Variants in UNC13A observed in about 807,000 individuals in gnomAD.
The protein encoded by UNC13A is protein unc-13 homolog A.
In UNC13A, 61 loss-of-function variants were observed where a neutral mutation model predicts 219.7. The ratio of observed to expected loss-of-function variants is 0.28; its 90% CI spans 0.23 to 0.34. The LOEUF (loss-of-function observed/expected upper bound fraction) is 0.34. Among genes scored for constraint, UNC13A ranks in the 10% least tolerant of loss-of-function variants. The pLI, the probability that UNC13A is intolerant of heterozygous loss-of-function variation, is 1.00. For missense variants in UNC13A, 1,476 were observed against 2,270.3 expected (o/e 0.65, Z 7.11); for synonymous variants, 920 against 884.6 (o/e 1.04, Z -0.71).
chr19:17,606,617 GT>G (rs1332868629), intron 43 of UNC13A, among the ~76,000 whole-genome samples: 1 of 152,220 alleles, frequency 6.6e-6, no homozygotes, highest in East Asian at 1.9e-4. Context: ...TGACCGCATA[GT>G]TTTACATCCA....
intron 26 of UNC13A, among the ~76,000 whole-genome samples, chr19:17,635,553 G>T (rs1185889558): frequency 6.6e-6 from 1 of 152,048 alleles, no homozygotes; most frequent in Admixed American, 6.6e-5. Context: ...GTACAATATT[G>T]TACGTTGAAT....
chr19:17,632,801 G>A lies in UNC13A; in HGVS notation c.3409C>T (p.Arg1137Cys), dbSNP rs778740565. 7.4e-5 allele frequency: 119 copies of A among 1,613,748 alleles called. No homozygotes were observed. The highest frequency in any genetic ancestry group is 1.8e-4 in the East Asian group (8 of 44,888). The change falls in exon 28 of 44, where the codon CGC becomes TGC. Residue 1137 changes from arginine to cysteine, a missense_variant. Physicochemically the swap from Arg to Cys is radical, Grantham distance 180. Around this residue, in one of 14 missense-constraint regions of UNC13A, gnomAD observed 218 missense variants for 409.4 expected, o/e 0.53. Transcript: ENST00000519716. Reference sequence around the variant, plus strand: ...ACTTACGCAGGGTACTCAGGCACGCGGTCCTTGAAGGCGGGAAGTTCCGTC... The same window carrying A: ...ACTTACGCAGGGTACTCAGGCACGCAGTCCTTGAAGGCGGGAAGTTCCGTC... ...YVTELPAFKD[R>C]VPEYPAWFEP...
chr19:17,640,675 G>A lies in UNC13A; in HGVS notation c.2637-14C>T. ...CAGGCAAAGTGGCTGGAGAGAGGGA[G>A]CAGGAGGCACTAGGCCAGGGGTCCA... On this transcript the variant is annotated splice_polypyrimidine_tract_variant and intron_variant, in intron 21 of 43. Coordinates refer to ENST00000519716, the MANE Select transcript of UNC13A (RefSeq NM_001080421.3). The A allele has an allele frequency of 6.4e-7, 1 of 1,568,734 alleles. No individual in the cohort carries two copies. The highest frequency in any genetic ancestry group is 8.6e-7 in the Non-Finnish European group (1 of 1,158,106).
At chr19:17,667,613 A>G (rs956489968) in intron 6 of UNC13A, among the ~76,000 whole-genome samples, 1 of 151,884 alleles carries the variant, frequency 6.6e-6, no homozygotes, top group African/African-American at 2.4e-5. Context: ...AGCTGGAATG[A>G]CAGGCGCCCG....
chr19:17,660,853 G>A (rs1212267688), intron 8 of UNC13A, among the ~76,000 whole-genome samples: 1 of 151,944 alleles, frequency 6.6e-6, no homozygotes, highest in East Asian at 1.9e-4. Context: ...TGACCGTACT[G>A]TTCGTTTGTG....
At chr19:17,648,015 C>A (rs1458847269) in intron 16 of UNC13A, among the ~76,000 whole-genome samples, 1 of 146,730 alleles carries the variant, frequency 6.8e-6, no homozygotes, top group Non-Finnish European at 1.5e-5. Context: ...TCCCCTCCCC[C>A]TTCCAATCCC....
intron 41 of UNC13A, among the ~76,000 whole-genome samples, chr19:17,615,819 T>A (rs1368350756): frequency 6.6e-6 from 1 of 151,786 alleles, no homozygotes; most frequent in Non-Finnish European, 1.5e-5. Flanking sequence ...ACAAAAAAAA[T>A]TAAAAATTAG....
chr19:17,649,497 G>A lies in UNC13A; in HGVS notation c.1518+12C>T, dbSNP rs765812334. 5.6e-6 allele frequency: 9 copies of A among 1,613,918 alleles called. No individual in the cohort carries two copies. The highest frequency in any genetic ancestry group is 4.4e-5 in the South Asian group (4 of 91,090). On this transcript the variant is annotated intron_variant, in intron 13 of 43. Transcript: ENST00000519716. The surrounding 1 kb of genome is among the most constrained non-coding windows in gnomAD (Gnocchi z 4.4). ...CTGCTCTGCTCAGGGAGTAAAGGGC[G>A]AGGGTGCTTACCAAGTCGCTCACGA...
intron 17 of UNC13A, among the ~76,000 whole-genome samples, chr19:17,646,634 A>G (rs2077029974): frequency 6.6e-6 from 1 of 152,042 alleles, no homozygotes; most frequent in Non-Finnish European, 1.5e-5. Context: ...GACACTTACA[A>G]GAACCCATTG....
At chr19:17,678,826 T>C (rs917911647) in intron 1 of UNC13A, among the ~76,000 whole-genome samples, 1 of 151,724 alleles carries the variant, frequency 6.6e-6, no homozygotes, top group Non-Finnish European at 1.5e-5. Flanking sequence ...GAGGGGATGC[T>C]GACAGAGGCT....
intron 20 of UNC13A, among the ~76,000 whole-genome samples, chr19:17,642,339 C>G (rs1327506416): frequency 6.6e-6 from 1 of 152,056 alleles, no homozygotes; most frequent in Non-Finnish European, 1.5e-5. Flanking sequence ...ATCCATCCAT[C>G]TGTCCATCCA....
intron 7 of UNC13A, among the ~76,000 whole-genome samples, chr19:17,664,748 A>G (rs144536327): frequency 1.3e-5 from 2 of 152,166 alleles, no homozygotes; most frequent in East Asian, 1.9e-4. Context: ...AACTTTCTCA[A>G]TATCACTCCC....
At chr19:17,647,718 C>T (rs566626981) in intron 16 of UNC13A, among the ~76,000 whole-genome samples, 2 of 151,914 alleles carry the variant, frequency 1.3e-5, no homozygotes, top group South Asian at 4.2e-4. Context: ...CTGCCCTTCT[C>T]TGCCCCGCAC....
intron 12 of UNC13A, among the ~76,000 whole-genome samples, chr19:17,651,408 T>C (rs563102404): frequency 0.014 from 2,064 of 152,128 alleles, 12 homozygotes; most frequent in Non-Finnish European, 0.018. Context: ...TATATTTTAG[T>C]AGAGACGGGA....
At position 17,640,529 on chromosome 19, in the gene UNC13A, G is replaced by A. The variant is rs374346691; in HGVS notation, c.2769C>T (p.Phe923=). The change falls in exon 22 of 44, where the codon TTC becomes TTT. Residue 923 remains phenylalanine (F), a synonymous_variant. Coordinates refer to ENST00000519716, the MANE Select transcript of UNC13A (RefSeq NM_001080421.3). ...ASTNVSASDR[F]AASNFGKERF... is the part of the protein sequence containing the mutation. Reference sequence around the variant, plus strand: ...GACTGACCCCAAAGTTGGAGGCGGCGAAGCGGTCGGAGGCAGACACGTTGG... The same window carrying A: ...GACTGACCCCAAAGTTGGAGGCGGCAAAGCGGTCGGAGGCAGACACGTTGG... The A allele has an allele frequency of 1.0e-4, 159 of 1,550,740 alleles. 1 individual carries two copies. In the African/African-American group the frequency reaches 1.7e-3, roughly 17 times the overall value.
chr19:17,646,991 C>T (rs2077034252), intron 17 of UNC13A, among the ~76,000 whole-genome samples: 1 of 152,196 alleles, frequency 6.6e-6, no homozygotes, highest in South Asian at 2.1e-4. Context: ...TTTCTGGGGT[C>T]ACTTTCCAGA....
Position 17,663,575 on chromosome 19 carries a change from G to C in UNC13A, c.524-8C>G, listed in dbSNP as rs2079589781. The C allele has an allele frequency of 1.2e-6, 2 of 1,608,898 alleles. No individual in the cohort carries two copies. The highest frequency in any genetic ancestry group is 1.7e-5 in the Admixed American group (1 of 59,200). On this transcript the variant is annotated splice_region_variant and splice_polypyrimidine_tract_variant and intron_variant, in intron 7 of 43. Transcript: ENST00000519716. The stretch of plus-strand genomic sequence containing the variant: ...CAAAATAATTCCAGTTGCCTACAAA[G>C]AGAAGGGGCAGAAATAATAAAAGGG...
Position 17,674,804 on chromosome 19 carries a change from A to C in UNC13A, c.53-48T>G. 1 of 1,494,482 alleles carries C rather than the reference A, an allele frequency of 6.7e-7. No homozygotes were observed. The highest frequency in any genetic ancestry group is 9.3e-7 in the Non-Finnish European group (1 of 1,072,052). 92.6% of individuals were successfully genotyped at this position (1,494,482 alleles called of 1,614,324 possible). On this transcript the variant is annotated intron_variant, in intron 2 of 43. Coordinates refer to ENST00000519716, the MANE Select transcript of UNC13A (RefSeq NM_001080421.3). The surrounding 1 kb of genome is among the most constrained non-coding windows in gnomAD (Gnocchi z 5.0). Reference sequence around the variant, plus strand: ...CAGCGCTGGGGCTCAGGGACTCTCCAATGCCCCTTCCCAAGCTCTAGACCA... The same window carrying C: ...CAGCGCTGGGGCTCAGGGACTCTCCCATGCCCCTTCCCAAGCTCTAGACCA...
intron 41 of UNC13A, chr19:17,616,339 C>T (rs532941404): frequency 6.0e-6 from 4 of 669,826 alleles, no homozygotes; most frequent in Non-Finnish European, 1.1e-5. Flanking sequence ...CTTTTACTAG[C>T]CGGGGCCAGG....
Sources: gnomAD v4.1 joint callset for allele counts (sites outside exome capture counted in the v4.1 genomes callset) on GRCh38, gnomAD v4.1.1 for gene constraint, gnomAD v4.1.1 regional missense constraint, Gnocchi (gnomAD v3.1) non-coding constraint, MANE v1.5 for transcripts, NCBI Gene and HGNC (gene_info 2026-07-23, HGNC 2026-07-21) for gene names.